The following EXOC4 variants were observed in gnomAD, a reference collection of about 807,000 sequenced individuals.
EXOC4 encodes SEC8-like 1.
In EXOC4, 71 loss-of-function variants were observed where a neutral mutation model predicts 107.2. The observed-to-expected ratio is 0.66, with a 90% CI of 0.55 to 0.81. The LOEUF (loss-of-function observed/expected upper bound fraction) is 0.81. Ranked by LOEUF, EXOC4 falls within the 30% of genes least tolerant of loss-of-function variation. EXOC4 has a pLI of 0.00. For missense variants in EXOC4, 1,108 were observed against 1,189.6 expected, an observed-to-expected ratio of 0.93 and a Z score of 1.01; for synonymous variants, 456 against 441.2, an observed-to-expected ratio of 1.03 and a Z score of -0.42.
intron 9 of EXOC4, among the ~76,000 whole-genome samples, chr7:133,512,329 T>G (rs769401460): frequency 9.9e-5 from 15 of 151,832 alleles, no homozygotes; most frequent in Non-Finnish European, 1.6e-4. Context: ...GCTCGGGAAC[T>G]AAGGCAGTAG....
chr7:133,846,857 TG>T (rs1180388732), intron 11 of EXOC4, among the ~76,000 whole-genome samples: 6 of 152,240 alleles, frequency 3.9e-5, no homozygotes, highest in African/African-American at 1.4e-4. Context: ...AGGTTTCACA[TG>T]GGGCTTGAGA....
At position 133,934,535 on chromosome 7, in the gene EXOC4, C is replaced by T. The variant is rs1012950161; in HGVS notation, c.2028-3356C>T. 4.6e-5 allele frequency among the ~76,000 whole-genome samples: 7 copies of T among 152,276 alleles called. No homozygotes were observed. In the East Asian group the frequency reaches 1.4e-3, roughly 29 times the overall value. On this transcript the variant is annotated intron_variant, in intron 13 of 17. Coordinates refer to ENST00000253861, the MANE Select transcript of EXOC4 (RefSeq NM_021807.4). ...ATAGGCATCAAGCGCTGGCAGCACACGGCAGACATGCCCAGGGCCCAAGAT... is the reference window on the plus strand; with the variant it reads ...ATAGGCATCAAGCGCTGGCAGCACATGGCAGACATGCCCAGGGCCCAAGAT...
At chr7:133,436,764 TCC>T (rs1797985807) in intron 7 of EXOC4, among the ~76,000 whole-genome samples, 1 of 152,172 alleles carries the variant, frequency 6.6e-6, no homozygotes, top group South Asian at 2.1e-4. Context: ...GCAAAAAAAC[TCC>T]AAAAATGAAA....
intron 10 of EXOC4, among the ~76,000 whole-genome samples, chr7:133,714,954 A>G (rs764488412): frequency 4.6e-5 from 7 of 152,152 alleles, no homozygotes; most frequent in Non-Finnish European, 1.0e-4. Context: ...GGGGTAGGTT[A>G]TATCTGTTGA....
At chr7:133,931,989 C>T (rs1363868153) in intron 13 of EXOC4, among the ~76,000 whole-genome samples, 3 of 152,180 alleles carry the variant, frequency 2.0e-5, no homozygotes, top group Non-Finnish European at 4.4e-5. Flanking sequence ...GAACACAGCA[C>T]ATAAACCACT....
chr7:134,064,641 G>C lies in EXOC4; in HGVS notation c.*113G>C, dbSNP rs989918611. 2 of 683,976 alleles carry C rather than the reference G, an allele frequency of 2.9e-6. No individual in the cohort carries two copies. Among genetic ancestry groups the C allele is most frequent in the South Asian group, 2.4e-5 (1 of 42,176 alleles). The allele number at this position is 683,976 out of a possible 1,614,324, so 42.4% of individuals were successfully genotyped here. A position where few individuals can be genotyped will look rare whatever the true frequency, so the allele number is the denominator to read the frequency against. On this transcript the variant is annotated 3_prime_UTR_variant, in exon 18 of 18. Transcript: ENST00000253861. ...TTTTCTCTACAGTGATACTTTAGTG[G>C]AGAGGAGGTGTAAGGATTCTTTCTC...
chr7:133,837,621 A>G (rs370724789), intron 11 of EXOC4, among the ~76,000 whole-genome samples: 4 of 152,274 alleles, frequency 2.6e-5, no homozygotes, highest in African/African-American at 9.6e-5. Flanking sequence ...AGTAACTGAA[A>G]GTTATCAAAG....
chr7:133,591,101 C>T (rs62470025), intron 9 of EXOC4, among the ~76,000 whole-genome samples: 3 of 152,112 alleles, frequency 2.0e-5, no homozygotes, highest in Non-Finnish European at 1.5e-5. Flanking sequence ...CACCCTCTTC[C>T]GGAGTCCCAC....
chr7:133,780,229 G>A (rs1462512111), intron 10 of EXOC4, among the ~76,000 whole-genome samples: 12 of 148,974 alleles, frequency 8.1e-5, no homozygotes, highest in Admixed American at 8.0e-4. Context: ...TAGTTAATAT[G>A]CTTCCCAAAA....
At chr7:133,559,187 G>A (rs1293139285) in intron 9 of EXOC4, among the ~76,000 whole-genome samples, 6 of 151,978 alleles carry the variant, frequency 3.9e-5, no homozygotes, top group Admixed American at 3.9e-4. Context: ...CTTTCCAAGT[G>A]TGACAAATCA....
intron 10 of EXOC4, among the ~76,000 whole-genome samples, chr7:133,762,831 CAT>C (rs1160249658): frequency 2.0e-5 from 3 of 151,890 alleles, no homozygotes; most frequent in African/African-American, 4.8e-5. Context: ...AAGCTGTAAA[CAT>C]AGAAAAGAAC....
chr7:133,270,494 G>A (rs1473568491), intron 1 of EXOC4, among the ~76,000 whole-genome samples: 1 of 152,124 alleles, frequency 6.6e-6, no homozygotes, highest in African/African-American at 2.4e-5. Context: ...TGAAGAAACT[G>A]GAGGTGTTTA....
At chr7:133,473,214 C>T in intron 7 of EXOC4, among the ~76,000 whole-genome samples, 1 of 152,112 alleles carries the variant, frequency 6.6e-6, no homozygotes, top group East Asian at 1.9e-4. Context: ...TTACTAGAGA[C>T]CCAACTCAAT....
At chr7:133,994,904 G>C (rs536311421) in intron 14 of EXOC4, among the ~76,000 whole-genome samples, 20 of 152,198 alleles carry the variant, frequency 1.3e-4, no homozygotes, top group Admixed American at 1.1e-3. Flanking sequence ...TGGTGTCTTA[G>C]ATTGCCATGC....
intron 14 of EXOC4, among the ~76,000 whole-genome samples, chr7:133,952,230 C>T (rs971868345): frequency 2.0e-5 from 3 of 151,998 alleles, no homozygotes; most frequent in Non-Finnish European, 2.9e-5. Flanking sequence ...AAATGGCAGA[C>T]CAGCTAATTT....
intron 10 of EXOC4, among the ~76,000 whole-genome samples, chr7:133,762,030 C>T (rs1585128024): frequency 6.6e-6 from 1 of 152,266 alleles, no homozygotes; most frequent in African/African-American, 2.4e-5. Context: ...TGTCTGTGTC[C>T]TTTAATATAA....
rs750088564 is a variant in EXOC4, at chr7:134,064,398, T to C, written c.2795T>C (p.Leu932Pro). Residue 932 changes from leucine to proline, a missense_variant, in exon 18 of 18, where the codon CTG becomes CCG. Transcript: ENST00000253861. Reference protein sequence around the residue: ...ELEYIHALTLLHRSQTGVGEL... With the variant: ...ELEYIHALTLPHRSQTGVGEL... The stretch of plus-strand genomic sequence containing the variant: ...GAGTACATCCACGCTCTGACCCTGC[T>C]GCACCGCAGCCAGACTGGGGTGGGG... The C allele has an allele frequency of 1.2e-6, 2 of 1,606,836 alleles. No individual in the cohort carries two copies. Among genetic ancestry groups the C allele is most frequent in the Admixed American group, 3.4e-5 (2 of 59,156 alleles).
intron 7 of EXOC4, among the ~76,000 whole-genome samples, chr7:133,388,800 A>C (rs1285535189): frequency 6.6e-6 from 1 of 152,192 alleles, no homozygotes; most frequent in East Asian, 1.9e-4. Flanking sequence ...AATTTGATTA[A>C]TACATTAAGA....
At chr7:133,932,350 A>G (rs1800197271) in intron 13 of EXOC4, among the ~76,000 whole-genome samples, 1 of 152,224 alleles carries the variant, frequency 6.6e-6, no homozygotes, top group Admixed American at 6.5e-5. Context: ...GGACAGGAGT[A>G]GGAGAGATAC....
Sources: gnomAD v4.1 joint callset for allele counts (sites outside exome capture counted in the v4.1 genomes callset) on GRCh38, gnomAD v4.1.1 for gene constraint, MANE v1.5 for transcripts, NCBI Gene and HGNC (gene_info 2026-07-23, HGNC 2026-07-21) for gene names.